ASIC2: variants seen among roughly 807,000 people sequenced by gnomAD.
ASIC2 encodes the protein acid sensing ion channel subunit 2.
Under a neutral mutation model 57.3 loss-of-function variants are expected in ASIC2, and 25 were observed. The ratio of observed to expected loss-of-function variants is 0.44; its 90% CI spans 0.32 to 0.61. ASIC2 has a LOEUF of 0.61. Ranked by LOEUF, ASIC2 falls within the 20% of genes least tolerant of loss-of-function variation. ASIC2 has a pLI of 0.06. For missense variants in ASIC2, 641 were observed against 738.1 expected (o/e 0.87, Z 1.52); for synonymous variants, 319 against 307.5 (o/e 1.04, Z -0.39).
chr17:33,579,384 T>A (rs1470855391), intron 1 of ASIC2, among the ~76,000 whole-genome samples: 1 of 150,860 alleles, frequency 6.6e-6, no homozygotes, highest in East Asian at 2.0e-4. Flanking sequence ...CCTCTAACAC[T>A]CCGCCTCATT....
At chr17:33,360,115 G>A (rs902300921) in intron 1 of ASIC2, among the ~76,000 whole-genome samples, 1 of 152,084 alleles carries the variant, frequency 6.6e-6, no homozygotes, top group Admixed American at 6.6e-5. Flanking sequence ...TAACTCAGAT[G>A]AGCATGGATC....
rs922377397 is a variant in ASIC2, at chr17:34,009,910, G to A, written c.555+146068C>T. ...TGCATGAGGAGCTAACATTTTGAAT[G>A]AGACCATCACACTAAATGCAGGCTT... On this transcript the variant is annotated intron_variant, in intron 1 of 9. Transcript: ENST00000359872. Among the ~76,000 whole-genome samples, 11 of 152,204 alleles carry A rather than the reference G, an allele frequency of 7.2e-5. No individual in the cohort carries two copies. In the East Asian group the frequency reaches 1.9e-3, roughly 27 times the overall value.
At chr17:33,988,338 T>C (rs1905893889) in intron 1 of ASIC2, among the ~76,000 whole-genome samples, 1 of 152,192 alleles carries the variant, frequency 6.6e-6, no homozygotes, top group Admixed American at 6.5e-5. Flanking sequence ...CCCATGCTGT[T>C]CTCATGATAG....
chr17:33,398,768 A>G (rs1388703181), intron 1 of ASIC2, among the ~76,000 whole-genome samples: 1 of 152,158 alleles, frequency 6.6e-6, no homozygotes, highest in Non-Finnish European at 1.5e-5. Flanking sequence ...CTTTTTCAGA[A>G]ACCACTAGGA....
intron 1 of ASIC2, among the ~76,000 whole-genome samples, chr17:33,282,550 T>A (rs375889568): frequency 6.6e-6 from 1 of 151,882 alleles, no homozygotes; most frequent in South Asian, 2.1e-4. Flanking sequence ...TCTTGGCTCA[T>A]TATAACCTCC....
chr17:33,887,047 C>T (rs188376286), intron 1 of ASIC2, among the ~76,000 whole-genome samples: 5 of 152,268 alleles, frequency 3.3e-5, no homozygotes, highest in Non-Finnish European at 7.4e-5. Flanking sequence ...TGTTTGAAAA[C>T]CTCATCAAGT....
At chr17:33,997,317 T>A (rs1906194762) in intron 1 of ASIC2, among the ~76,000 whole-genome samples, 1 of 139,604 alleles carries the variant, frequency 7.2e-6, no homozygotes, top group South Asian at 2.4e-4. Context: ...ATTTTTTTTT[T>A]TTTTTTTTTT....
chr17:34,029,957 A>G (rs1436360623), intron 1 of ASIC2, among the ~76,000 whole-genome samples: 1 of 152,178 alleles, frequency 6.6e-6, no homozygotes, highest in Non-Finnish European at 1.5e-5. Context: ...TTGAATTCAC[A>G]TAAGTAGTAA....
chr17:33,362,087 T>G (rs1160197362), intron 1 of ASIC2, among the ~76,000 whole-genome samples: 1 of 152,222 alleles, frequency 6.6e-6, no homozygotes, highest in Admixed American at 6.5e-5. Flanking sequence ...TCAACTTTTC[T>G]TCCATCCTTT....
chr17:33,649,915 T>C (rs1906864109), intron 1 of ASIC2, among the ~76,000 whole-genome samples: 1 of 152,190 alleles, frequency 6.6e-6, no homozygotes, highest in African/African-American at 2.4e-5. Context: ...CTATGAAACG[T>C]AGAAAAAATA....
At chr17:33,083,466 T>C (rs563435375) in intron 3 of ASIC2, among the ~76,000 whole-genome samples, 51 of 152,340 alleles carry the variant, frequency 3.3e-4, no homozygotes, top group Admixed American at 2.4e-3. Context: ...GCACATTCAG[T>C]GCTCAGGGAA....
intron 1 of ASIC2, among the ~76,000 whole-genome samples, chr17:33,963,309 T>C (rs1904982633): frequency 6.6e-6 from 1 of 152,166 alleles, no homozygotes; most frequent in Non-Finnish European, 1.5e-5. Flanking sequence ...TTGTCTTGCC[T>C]CCTGAAGAAT....
In ASIC2 at chr17:33,309,859, G is replaced by C. The variant is rs146678178; in HGVS notation, c.556-197792C>G. ...AATTTGAACACAGTGCTTGGCAGGTGGTAGGCATTAATTAAATAAAGATTT... is the reference window on the plus strand; with the variant it reads ...AATTTGAACACAGTGCTTGGCAGGTCGTAGGCATTAATTAAATAAAGATTT... On this transcript the variant is annotated intron_variant, in intron 1 of 9. Coordinates refer to the ASIC2 transcript ENST00000359872. Among the ~76,000 whole-genome samples, 28 of 149,170 alleles carry C rather than the reference G, an allele frequency of 1.9e-4. No homozygotes were observed. In the East Asian group the frequency reaches 5.3e-3, roughly 28 times the overall value.
chr17:33,562,234 C>A (rs959573781), intron 1 of ASIC2, among the ~76,000 whole-genome samples: 1 of 140,436 alleles, frequency 7.1e-6, no homozygotes, highest in Admixed American at 7.0e-5. Context: ...TTTTTTTTTT[C>A]TAAATGGCTG....
intron 1 of ASIC2, among the ~76,000 whole-genome samples, chr17:33,231,084 G>A (rs1908073733): frequency 6.6e-6 from 1 of 152,152 alleles, no homozygotes; most frequent in East Asian, 1.9e-4. Context: ...TCCTTAGGGA[G>A]CTGAGCATCG....
chr17:33,675,613 C>T (rs1261785140), intron 1 of ASIC2, among the ~76,000 whole-genome samples: 1 of 152,092 alleles, frequency 6.6e-6, no homozygotes, highest in East Asian at 1.9e-4. Context: ...TCTGGGTCAC[C>T]CAGGCTGGAG....
chr17:33,653,633 G>A (rs1288889163), intron 1 of ASIC2, among the ~76,000 whole-genome samples: 2 of 152,082 alleles, frequency 1.3e-5, no homozygotes, highest in African/African-American at 4.8e-5. Context: ...TTGTTCTTTT[G>A]TTAGTTTCTA....
At chr17:33,474,506 T>C (rs1913155322) in intron 1 of ASIC2, among the ~76,000 whole-genome samples, 1 of 152,118 alleles carries the variant, frequency 6.6e-6, no homozygotes, top group African/African-American at 2.4e-5. Flanking sequence ...CACCTCTAAG[T>C]CCAGGGATTC....
At chr17:33,221,793 T>C (rs1264754984) in intron 1 of ASIC2, among the ~76,000 whole-genome samples, 1 of 152,240 alleles carries the variant, frequency 6.6e-6, no homozygotes, top group African/African-American at 2.4e-5. Flanking sequence ...GGTAATTATT[T>C]AGAATTTAGA....
Sources: allele counts gnomAD v4.1 joint callset (sites outside exome capture counted in the v4.1 genomes callset), GRCh38; gene constraint gnomAD v4.1.1; transcripts MANE v1.5; gene names NCBI Gene and HGNC (gene_info 2026-07-23, HGNC 2026-07-21).